Variants in ARHGAP39 observed in about 807,000 individuals in gnomAD.
ARHGAP39 encodes Rho GTPase activating protein 39, also known as rho GTPase-activating protein 39.
A neutral mutation model predicts 106.9 loss-of-function variants in ARHGAP39; 44 were observed. The ratio of observed to expected loss-of-function variants is 0.41; its 90% CI spans 0.32 to 0.53. The LOEUF is 0.53. Among genes scored for constraint, ARHGAP39 ranks in the 20% least tolerant of loss-of-function variants. The pLI, the probability that ARHGAP39 is intolerant of heterozygous loss-of-function variation, is 0.21. For synonymous variants in ARHGAP39, 768 were observed against 693.2 expected (o/e 1.11, Z -1.69); for missense variants, 1,496 against 1,577.3 (o/e 0.95, Z 0.87).
chr8:144,652,861 G>A (rs892229698), intron 1 of ARHGAP39, among the ~76,000 whole-genome samples: 7 of 151,786 alleles, frequency 4.6e-5, no homozygotes, highest in South Asian at 2.1e-4. Context: ...ACAAACCCCC[G>A]TGACATGAGT....
chr8:144,692,455 A>G, the ARHGAP39 span, among the ~76,000 whole-genome samples: 1 of 152,234 alleles, frequency 6.6e-6, no homozygotes, highest in African/African-American at 2.4e-5. Context: ...AGGAAAGCAC[A>G]TGGACCAAAG....
At chr8:144,649,054 T>C (rs1185689294) in intron 1 of ARHGAP39, among the ~76,000 whole-genome samples, 9 of 152,216 alleles carry the variant, frequency 5.9e-5, no homozygotes, top group Non-Finnish European at 7.4e-5. Flanking sequence ...AAAAGATCAA[T>C]GAGCAGGAGT....
chr8:144,569,697 A>G (rs11989479), intron 3 of ARHGAP39, among the ~76,000 whole-genome samples: 10,464 of 152,256 alleles, frequency 0.069, 1,178 homozygotes, highest in African/African-American at 0.23. Flanking sequence ...AAAGTGCACT[A>G]CCTTAATTGT....
At chr8:144,617,518 A>T (rs1280099398) in intron 1 of ARHGAP39, among the ~76,000 whole-genome samples, 1 of 151,422 alleles carries the variant, frequency 6.6e-6, no homozygotes, top group Admixed American at 6.6e-5. Flanking sequence ...TCAGCTGGGC[A>T]TCCTGGGAAC....
intron 1 of ARHGAP39, among the ~76,000 whole-genome samples, chr8:144,636,544 G>A (rs901051369): frequency 5.3e-5 from 8 of 152,252 alleles, no homozygotes; most frequent in South Asian, 2.1e-4. Flanking sequence ...AGATGCCCAG[G>A]AGGGCGGGAC....
chr8:144,554,102 AC>A (rs1174864980), intron 4 of ARHGAP39, among the ~76,000 whole-genome samples: 1 of 152,272 alleles, frequency 6.6e-6, no homozygotes, highest in Non-Finnish European at 1.5e-5. Flanking sequence ...CAAAGGCACA[AC>A]AGAGGCAGAG....
At chr8:144,648,480 G>A (rs1207164847) in intron 1 of ARHGAP39, among the ~76,000 whole-genome samples, 1 of 152,196 alleles carries the variant, frequency 6.6e-6, no homozygotes, top group East Asian at 1.9e-4. Flanking sequence ...TGAAGGGCTC[G>A]TTCCAGAAAG....
chr8:144,554,063 G>C lies in ARHGAP39; in HGVS notation c.596+1497C>G, dbSNP rs1817823608. On this transcript the variant is annotated intron_variant, in intron 4 of 11. Transcript: ENST00000377307. ...CTTCAGCAGGCTGAATCGTCAGCCA[G>C]GTGAAAGGTGCCAGCCTCTGAGAGG... Among the ~76,000 whole-genome samples, 4 of 152,256 alleles carry C rather than the reference G, an allele frequency of 2.6e-5. No homozygotes were observed. In the South Asian group the frequency reaches 8.3e-4, roughly 31 times the overall value.
rs1392653318 is a variant in ARHGAP39 at position 144,581,052 on chromosome 8, C to A, written c.306G>T (p.Pro102=). The change falls in exon 3 of 12, where the codon CCG becomes CCT. Residue 102 remains proline, a synonymous_variant. Coordinates refer to ENST00000377307, the MANE Select transcript of ARHGAP39 (RefSeq NM_025251.3). ...WHRPQGCDII[P]LAKLQTLKQN... ...GCTTCAGCGTCTGCAGCTTGGCCAG[C>A]GGGATGATGTCGCAGCCCTGCGGCC... The A allele has an allele frequency of 2.5e-6, 4 of 1,584,088 alleles. No individual in the cohort carries two copies. The highest frequency in any genetic ancestry group is 1.8e-5 in the Admixed American group (1 of 54,840).
intron 1 of ARHGAP39, among the ~76,000 whole-genome samples, chr8:144,662,904 A>G (rs1435017093): frequency 2.0e-5 from 2 of 100,686 alleles, no homozygotes; most frequent in Non-Finnish European, 4.1e-5. Context: ...CCTCGGGCCT[A>G]TCCCCCACCC....
chr8:144,548,549 AC>A lies in ARHGAP39; in HGVS notation c.597-61del. On this transcript the variant is annotated intron_variant, in intron 4 of 11. Transcript: ENST00000377307. The surrounding 1 kb of genome is among the most constrained non-coding windows in gnomAD (Gnocchi z 7.4). The stretch of plus-strand genomic sequence containing the variant: ...TGCCTGCTGCTTCTGGGCACGCCCC[AC>A]CCCCTCGGGGGCTGTAGGCAGCGGC... 1.9e-6 allele frequency: 3 copies of A among 1,557,400 alleles called. No homozygotes were observed. Among genetic ancestry groups the A allele is most frequent in the East Asian group, 4.6e-5 (2 of 43,648 alleles).
At chr8:144,603,166 T>C (rs1346160023) in intron 2 of ARHGAP39, among the ~76,000 whole-genome samples, 10 of 143,452 alleles carry the variant, frequency 7.0e-5, no homozygotes, top group South Asian at 2.3e-4. Flanking sequence ...GAGGTGTGTG[T>C]GCGAGCTCAT....
rs1821439087 is a variant in ARHGAP39 at position 144,646,194 on chromosome 8, T to C, written c.-82+39492A>G. ...CAGGCCACCGGAGGGGATGTGGATGTTCTCTCTGTGCAGACAGGGCAACAA... is the reference window on the plus strand; with the variant it reads ...CAGGCCACCGGAGGGGATGTGGATGCTCTCTCTGTGCAGACAGGGCAACAA... On this transcript the variant is annotated intron_variant, in intron 1 of 11. Coordinates refer to ENST00000377307, the MANE Select transcript of ARHGAP39 (RefSeq NM_025251.3). The surrounding 1 kb of genome is among the most constrained non-coding windows in gnomAD (Gnocchi z 5.7). Among the ~76,000 whole-genome samples the C allele has an allele frequency of 6.6e-6, 1 of 152,162 alleles. No homozygotes were observed. The highest frequency in any genetic ancestry group is 2.4e-5 in the African/African-American group (1 of 41,436).
chr8:144,579,726 C>T (rs1403814589), intron 3 of ARHGAP39, among the ~76,000 whole-genome samples: 1 of 152,170 alleles, frequency 6.6e-6, no homozygotes, highest in Non-Finnish European at 1.5e-5. Context: ...CTTCTGAAGC[C>T]TCAGATGAGC....
chr8:144,693,058 C>CTTTTTTT, the ARHGAP39 span, among the ~76,000 whole-genome samples: 1 of 86,792 alleles, frequency 1.2e-5, no homozygotes, highest in African/African-American at 4.5e-5. Flanking sequence ...TGCGCCCGGC[C>CTTTTTTT]TTTTTTTTTT....
At chr8:144,650,981 T>C (rs1343583339) in intron 1 of ARHGAP39, among the ~76,000 whole-genome samples, 1 of 152,174 alleles carries the variant, frequency 6.6e-6, no homozygotes, top group Non-Finnish European at 1.5e-5. Flanking sequence ...GATGACATGA[T>C]TGTATATCTA....
chr8:144,661,204 T>C (rs1004653432), intron 1 of ARHGAP39, among the ~76,000 whole-genome samples: 5 of 152,100 alleles, frequency 3.3e-5, no homozygotes, highest in African/African-American at 1.2e-4. Context: ...ACAGGCAGTG[T>C]GGAGCAGAGG....
intron 1 of ARHGAP39, among the ~76,000 whole-genome samples, chr8:144,631,805 C>T (rs1821068750): frequency 6.6e-6 from 1 of 152,264 alleles, no homozygotes; most frequent in East Asian, 1.9e-4. Flanking sequence ...GTACCAACAT[C>T]TCCTGTTTTC....
rs1816660565 is a variant in ARHGAP39, at chr8:144,530,764, C to T, written c.3088G>A (p.Val1030Met). Residue 1030 changes from valine to methionine, a missense_variant, in exon 11 of 12, where the codon GTG (valine) becomes ATG (methionine). By Grantham distance (21) the Val-to-Met change is conservative. This residue lies in a region of ARHGAP39 where 470 missense variants were observed against 605.1 expected (regional missense o/e 0.78). Coordinates refer to ENST00000377307, the MANE Select transcript of ARHGAP39 (RefSeq NM_025251.3). ...HYDSPEAAVAVVHALPRINRM... is the reference protein window; with the variant it reads ...HYDSPEAAVAMVHALPRINRM... ...TTGATGCGGGGCAGCGCGTGCACCACGGCCACCGCCGCCTCGGGGCTGTCG... is the reference window on the plus strand; with the variant it reads ...TTGATGCGGGGCAGCGCGTGCACCATGGCCACCGCCGCCTCGGGGCTGTCG... The T allele has an allele frequency of 1.9e-6, 3 of 1,610,794 alleles. No homozygotes were observed. The highest frequency in any genetic ancestry group is 2.2e-5 in the East Asian group (1 of 44,774).
Sources: gnomAD v4.1 joint callset for allele counts (sites outside exome capture counted in the v4.1 genomes callset) on GRCh38, gnomAD v4.1.1 for gene constraint, gnomAD v4.1.1 regional missense constraint, Gnocchi (gnomAD v3.1) non-coding constraint, MANE v1.5 for transcripts, NCBI Gene and HGNC (gene_info 2026-07-23, HGNC 2026-07-21) for gene names.